Variants in DNAH5 observed in about 807,000 individuals in gnomAD.
The protein encoded by DNAH5 is dynein axonemal heavy chain 5.
Under a neutral mutation model 518.2 loss-of-function variants are expected in DNAH5, and 372 were observed. That is an observed-to-expected ratio of 0.72 (90% confidence interval 0.66 to 0.78). DNAH5 has a LOEUF of 0.78. Ranked by LOEUF, DNAH5 falls within the 30% of genes least tolerant of loss-of-function variation. DNAH5 has a pLI of 0.00. For synonymous variants in DNAH5, 2,039 were observed against 2,025.9 expected, an observed-to-expected ratio of 1.01 and a Z score of -0.17; for missense variants, 5,523 against 5,687.0, an observed-to-expected ratio of 0.97 and a Z score of 0.93.
chr5:13,858,882 G>A (rs1450171737), intron 30 of DNAH5, among the ~76,000 whole-genome samples: 2 of 152,118 alleles, frequency 1.3e-5, no homozygotes, highest in African/African-American at 2.4e-5. Context: ...TTGAGAATTG[G>A]TTAAAATGTT....
At chr5:13,905,389 C>G (rs1191949218) in intron 12 of DNAH5, among the ~76,000 whole-genome samples, 1 of 152,166 alleles carries the variant, frequency 6.6e-6, no homozygotes, top group Non-Finnish European at 1.5e-5. Context: ...CTCTCTTGCT[C>G]TTCAGCCTTC....
chr5:13,762,285 G>A (rs764730126), intron 60 of DNAH5, among the ~76,000 whole-genome samples: 4 of 152,164 alleles, frequency 2.6e-5, no homozygotes, highest in South Asian at 4.1e-4. Flanking sequence ...AATACATCAC[G>A]TCTTAAGCCA....
intron 3 of DNAH5, 40 bp from the exon 4 acceptor site, chr5:13,923,480 T>C: frequency 6.2e-7 from 1 of 1,610,880 alleles, no homozygotes; most frequent in Non-Finnish European, 8.5e-7. Flanking sequence ...AAATGCTTTT[T>C]GCAGTCCATG....
chr5:13,824,096 AT>A (rs1762582968), intron 39 of DNAH5, 102 bp downstream of exon 39: 4 of 1,222,394 alleles, frequency 3.3e-6, no homozygotes, highest in Non-Finnish European at 4.8e-6. Context: ...ACAATTAGGC[AT>A]TTTAAATGAG....
intron 31 of DNAH5, among the ~76,000 whole-genome samples, chr5:13,845,967 A>C (rs1765948219): frequency 6.6e-6 from 1 of 150,666 alleles, no homozygotes; most frequent in Admixed American, 6.6e-5. Context: ...AGTGGCTGGA[A>C]CTACAGGCCT....
chr5:13,708,055 C>T, intron 76 of DNAH5, 68 bp downstream of exon 76: 2 of 1,523,050 alleles, frequency 1.3e-6, no homozygotes, highest in Non-Finnish European at 9.1e-7. Flanking sequence ...TTCATGCTTT[C>T]CACTTGCCAA....
At position 13,717,533 on chromosome 5, in the gene DNAH5, G is replaced by A; in HGVS notation, c.12500-13C>T. On this transcript the variant is annotated splice_polypyrimidine_tract_variant and intron_variant, in intron 72 of 78. Coordinates refer to ENST00000265104, the MANE Select transcript of DNAH5 (RefSeq NM_001369.3). The stretch of plus-strand genomic sequence containing the variant: ...TCTTGGCTGACACCTGTTGTGGTCA[G>A]TTGGGTGAAAAATGTATCATCTCTC... 6.2e-7 allele frequency: 1 copy of A among 1,610,728 alleles called. No homozygotes were observed. The highest frequency in any genetic ancestry group is 1.3e-5 in the African/African-American group (1 of 75,008).
chr5:13,737,330 C>T lies in DNAH5; in HGVS notation c.11377G>A (p.Glu3793Lys), dbSNP rs751996726. The change falls in exon 66 of 79, where the codon GAG (glutamate) becomes AAG (lysine). Residue 3793 changes from glutamate to lysine, a missense_variant. Glu to Lys is a moderately conservative substitution (Grantham distance 56). This residue lies in a region of DNAH5 where 5,121 missense variants were observed against 5,223.3 expected (regional missense o/e 0.98). Coordinates refer to ENST00000265104, the MANE Select transcript of DNAH5 (RefSeq NM_001369.3). ...VVLSNTKRTA[E>K]EVTQKLEISA... ...ATTTCTAGCTTCTGTGTCACCTCCTCGGCTGTCCTTTTTGTGTTACTCAGC... is the reference window on the plus strand; with the variant it reads ...ATTTCTAGCTTCTGTGTCACCTCCTTGGCTGTCCTTTTTGTGTTACTCAGC... 6.8e-6 allele frequency: 11 copies of T among 1,613,978 alleles called. No homozygotes were observed. Among genetic ancestry groups the T allele is most frequent in the East Asian group, 2.2e-5 (1 of 44,882 alleles).
Position 13,979,602 on chromosome 5 carries a change from A to G in DNAH5, c.12+32046T>C, listed in dbSNP as rs1782522931. Among the ~76,000 whole-genome samples the G allele has an allele frequency of 2.0e-5, 3 of 152,178 alleles. No individual in the cohort carries two copies. In the South Asian group the frequency reaches 6.2e-4, roughly 32 times the overall value. ...AAAATGCCTCTAAACAATGGTTTCTATGACTTCCATTGCATTCTCCATTCT... is the reference window on the plus strand; with the variant it reads ...AAAATGCCTCTAAACAATGGTTTCTGTGACTTCCATTGCATTCTCCATTCT... On this transcript the variant is annotated intron_variant, in intron 1 of 78. Transcript: ENST00000681290.
At chr5:13,743,783 C>T (rs1748946228) in intron 65 of DNAH5, among the ~76,000 whole-genome samples, 2 of 151,990 alleles carry the variant, frequency 1.3e-5, no homozygotes, top group Middle Eastern at 3.4e-3. Flanking sequence ...GCTGGGTTGG[C>T]GATTATCAAA....
chr5:13,801,367 C>T (rs569273377), intron 47 of DNAH5, among the ~76,000 whole-genome samples: 215 of 152,316 alleles, frequency 1.4e-3, no homozygotes, highest in African/African-American at 4.8e-3. Context: ...TCCCCAGCCA[C>T]GTTTCCCGTA....
intron 21 of DNAH5, among the ~76,000 whole-genome samples, chr5:13,879,250 G>T (rs1580716469): frequency 6.6e-6 from 1 of 152,336 alleles, no homozygotes; most frequent in East Asian, 1.9e-4. Flanking sequence ...ACTGTTCTGA[G>T]TGAAGTGGAC....
chr5:13,926,381 C>T (rs1175635095), intron 3 of DNAH5, among the ~76,000 whole-genome samples: 1 of 152,204 alleles, frequency 6.6e-6, no homozygotes, highest in South Asian at 2.1e-4. Flanking sequence ...GCCCCTCTTC[C>T]CTCTTACCTC....
chr5:13,811,241 C>A (rs1159747369), intron 44 of DNAH5, among the ~76,000 whole-genome samples: 1 of 152,142 alleles, frequency 6.6e-6, no homozygotes, highest in Non-Finnish European at 1.5e-5. Flanking sequence ...GTGATAGATA[C>A]CCCATTCACC....
chr5:13,974,090 A>G (rs1782060659), intron 1 of DNAH5, among the ~76,000 whole-genome samples: 2 of 151,746 alleles, frequency 1.3e-5, no homozygotes, highest in Admixed American at 6.6e-5. Flanking sequence ...TCCTGAATAA[A>G]CATCATTTTC....
chr5:14,004,842 T>G (rs944032055), intron 1 of DNAH5, among the ~76,000 whole-genome samples: 1 of 152,228 alleles, frequency 6.6e-6, no homozygotes, highest in Admixed American at 6.5e-5. Context: ...TGTGAAATGA[T>G]GGGTTGATCT....
Position 13,944,576 on chromosome 5 carries a change from T to C in DNAH5, c.-138A>G. On this transcript the variant is annotated 5_prime_UTR_variant, in exon 1 of 79. It adds an upstream start codon to the 5' untranslated region. Coordinates refer to ENST00000265104, the MANE Select transcript of DNAH5 (RefSeq NM_001369.3). Reference sequence around the variant, plus strand: ...TACTTTCACGTTTCTAATTTGCATGTATTATTCACTACATTCACAGAATAA... The same window carrying C: ...TACTTTCACGTTTCTAATTTGCATGCATTATTCACTACATTCACAGAATAA... 1 of 730,314 alleles carries C rather than the reference T, an allele frequency of 1.4e-6. No individual in the cohort carries two copies. The highest frequency in any genetic ancestry group is 2.4e-6 in the Non-Finnish European group (1 of 413,582). 45.2% of individuals were successfully genotyped at this position (730,314 alleles called of 1,614,324 possible).
chr5:13,874,558 C>T (rs578020145), intron 22 of DNAH5, among the ~76,000 whole-genome samples: 7 of 152,166 alleles, frequency 4.6e-5, no homozygotes, highest in African/African-American at 1.7e-4. Context: ...CGCTCTGTCA[C>T]CCAGGCTAGA....
At chr5:14,008,044 T>C (rs1043640503) in intron 1 of DNAH5, among the ~76,000 whole-genome samples, 6 of 151,818 alleles carry the variant, frequency 4.0e-5, no homozygotes, top group African/African-American at 1.5e-4. Flanking sequence ...TAATGGCACA[T>C]GCCTATAATC....
Sources: gnomAD v4.1 joint callset for allele counts (sites outside exome capture counted in the v4.1 genomes callset) on GRCh38, gnomAD v4.1.1 for gene constraint, gnomAD v4.1.1 regional missense constraint, MANE v1.5 for transcripts, NCBI Gene and HGNC (gene_info 2026-07-23, HGNC 2026-07-21) for gene names.